The following TEX9 variants were observed in gnomAD, a reference collection of about 807,000 sequenced individuals.
The protein encoded by TEX9 is testis expressed 9, also known as testis-expressed protein 9.
TEX9 carries 74 observed loss-of-function variants against 59.6 expected under a neutral mutation model. The observed-to-expected ratio is 1.24, with a 90% CI of 1.03 to 1.51. The LOEUF (loss-of-function observed/expected upper bound fraction) is 1.51. Ranked by LOEUF, TEX9 falls within the 40% of genes most tolerant of loss-of-function variation. The pLI, the probability that TEX9 is intolerant of heterozygous loss-of-function variation, is 0.00. For synonymous variants in TEX9, 186 were observed against 152.2 expected (o/e 1.22, Z -1.64); for missense variants, 522 against 447.8 (o/e 1.17, Z -1.49).
rs186643879 is a variant in TEX9 at position 56,404,576 on chromosome 15, G to A, written c.829-7726G>A. Among the ~76,000 whole-genome samples, 40 of 152,266 alleles carry A rather than the reference G, an allele frequency of 2.6e-4. No individual in the cohort carries two copies. In the East Asian group the frequency reaches 6.2e-3, roughly 23 times the overall value. ...CAACTGTGGTGGAAGACAGTGTGGC[G>A]ATTCCTCAAGGATCTAGAACTAGAA... On this transcript the variant is annotated intron_variant, in intron 9 of 12. Coordinates refer to ENST00000352903, the Ensembl canonical transcript of TEX9.
intron 1 of TEX9, among the ~76,000 whole-genome samples, chr15:56,291,279 G>T (rs924853465): frequency 6.6e-6 from 1 of 152,202 alleles, no homozygotes; most frequent in Admixed American, 6.5e-5. Context: ...TATGACCATA[G>T]AATGTGATTT....
chr15:56,415,621 C>T lies in TEX9; in HGVS notation c.963+3185C>T, dbSNP rs114633406. On this transcript the variant is annotated intron_variant, in intron 10 of 12. Coordinates refer to ENST00000352903, the Ensembl canonical transcript of TEX9. ...TTTGTAACAGTACCTGTTTTTGTAC[C>T]ATGTGCTGTTTTGGTTATTGTAGAC... 3.2e-3 allele frequency among the ~76,000 whole-genome samples: 487 copies of T among 151,624 alleles called. 19 individuals are homozygous for T. The highest frequency in any genetic ancestry group is 0.011 in the African/African-American group (470 of 41,168).
In TEX9 at chr15:56,401,650, C is replaced by G. The variant is rs537310334; in HGVS notation, c.828+6816C>G. 2.4e-4 allele frequency among the ~76,000 whole-genome samples: 37 copies of G among 152,330 alleles called. 1 individual carries two copies. In the South Asian group the frequency reaches 6.8e-3, roughly 28 times the overall value. ...TGCACAAAGCAGACCTTATAGACAT[C>G]TACAGAACTCTCCACCCCAACAGAA... On this transcript the variant is annotated intron_variant, in intron 9 of 12. Coordinates refer to ENST00000352903, the Ensembl canonical transcript of TEX9.
intron 1 of TEX9, among the ~76,000 whole-genome samples, chr15:56,250,843 A>G (rs1193494206): frequency 1.3e-5 from 2 of 152,196 alleles, no homozygotes; most frequent in African/African-American, 4.8e-5. Context: ...TATTTAGGAT[A>G]ATCTACTTAA....
chr15:56,443,638 C>T (rs752057711), intron 12 of TEX9: 7 of 1,610,272 alleles, frequency 4.3e-6, no homozygotes, highest in South Asian at 2.2e-5. Context: ...ATTTTAATAC[C>T]GCATTCTGAA....
intron 12 of TEX9, chr15:56,431,376 A>G: frequency 6.2e-7 from 1 of 1,611,194 alleles, no homozygotes; most frequent in African/African-American, 1.3e-5. Context: ...CACTTACTTT[A>G]GGGAGATAGC....
chr15:56,324,497 C>A (rs750892749), intron 1 of TEX9, among the ~76,000 whole-genome samples: 2 of 152,084 alleles, frequency 1.3e-5, no homozygotes, highest in African/African-American at 2.4e-5. Context: ...CTTTAATTAA[C>A]TGAGAGGGTT....
At chr15:56,270,735 G>C (rs923945237) in intron 1 of TEX9, among the ~76,000 whole-genome samples, 1 of 152,124 alleles carries the variant, frequency 6.6e-6, no homozygotes, top group South Asian at 2.1e-4. Flanking sequence ...AGCATTGATG[G>C]TCTTTACAAT....
intron 1 of TEX9, among the ~76,000 whole-genome samples, chr15:56,351,173 A>T (rs1338002921): frequency 6.6e-5 from 10 of 152,228 alleles, no homozygotes; most frequent in African/African-American, 2.4e-4. Flanking sequence ...TAAGAAAGAT[A>T]AATCTCACAT....
intron 1 of TEX9, among the ~76,000 whole-genome samples, chr15:56,298,474 T>C (rs1233751672): frequency 6.6e-6 from 1 of 152,234 alleles, no homozygotes; most frequent in Non-Finnish European, 1.5e-5. Flanking sequence ...AGTTTGTTTA[T>C]TTTTATTTAA....
At chr15:56,441,622 A>C (rs1290380972) in intron 12 of TEX9, among the ~76,000 whole-genome samples, 2 of 152,236 alleles carry the variant, frequency 1.3e-5, no homozygotes, top group East Asian at 3.8e-4. Flanking sequence ...ATAAACAGAC[A>C]ACCTACAGAA....
chr15:56,281,042 A>G (rs2044805024), intron 1 of TEX9, among the ~76,000 whole-genome samples: 1 of 152,154 alleles, frequency 6.6e-6, no homozygotes, highest in Non-Finnish European at 1.5e-5. Context: ...TAAGAAAGGC[A>G]TTGTCTGTGA....
downstream of TEX9, chr15:56,446,973 T>C: frequency 3.4e-6 from 5 of 1,488,880 alleles, no homozygotes; most frequent in Non-Finnish European, 4.6e-6. Context: ...CAAATTTAAA[T>C]GTTAGGACCA....
Position 56,349,741 on chromosome 15 carries a change from A to ATG in TEX9, c.-106-23699_-106-23698insGT, listed in dbSNP as rs2046540309. ...TATAAGCACATATACACACGTGTAT[A>ATG]TATGTGTGTGTATATATATACACAC... is the stretch of plus-strand genomic sequence containing the variant. On this transcript the variant is annotated intron_variant, in intron 1 of 5. Coordinates refer to the TEX9 transcript ENST00000560827. Among the ~76,000 whole-genome samples, 15 of 151,282 alleles carry ATG rather than the reference A, an allele frequency of 9.9e-5. No individual in the cohort carries two copies. In the Admixed American group the frequency reaches 1.0e-3, roughly 10 times the overall value.
chr15:56,270,611 T>C (rs973036821), intron 1 of TEX9, among the ~76,000 whole-genome samples: 5 of 152,218 alleles, frequency 3.3e-5, no homozygotes, highest in African/African-American at 7.2e-5. Context: ...TGTCTTTTAA[T>C]TGGGGGCATT....
At chr15:56,301,102 A>T (rs2045350445) in intron 1 of TEX9, among the ~76,000 whole-genome samples, 1 of 152,228 alleles carries the variant, frequency 6.6e-6, no homozygotes, top group African/African-American at 2.4e-5. Context: ...AAGCTCAATG[A>T]AATTTAAGAT....
chr15:56,370,322 AT>A (rs1160316357), intron 2 of TEX9, among the ~76,000 whole-genome samples: 1 of 152,066 alleles, frequency 6.6e-6, no homozygotes, highest in Admixed American at 6.5e-5. Context: ...TTAATCATCA[AT>A]TTTTTTATAG....
At chr15:56,322,473 G>A (rs2045924213) in intron 1 of TEX9, among the ~76,000 whole-genome samples, 1 of 152,078 alleles carries the variant, frequency 6.6e-6, no homozygotes, top group Non-Finnish European at 1.5e-5. Context: ...GTGAGAGGGA[G>A]CTTTTTTCTA....
chr15:56,273,634 G>C (rs191692936), intron 1 of TEX9, among the ~76,000 whole-genome samples: 1 of 152,120 alleles, frequency 6.6e-6, no homozygotes, highest in Non-Finnish European at 1.5e-5. Context: ...AGAAATTTCT[G>C]TAATACTTCT....
Sources: allele counts gnomAD v4.1 joint callset (sites outside exome capture counted in the v4.1 genomes callset), GRCh38; gene constraint gnomAD v4.1.1; transcripts MANE v1.5; gene names NCBI Gene and HGNC (gene_info 2026-07-23, HGNC 2026-07-21).